ZNF385B: variants seen among roughly 807,000 people sequenced by gnomAD.
The protein encoded by ZNF385B is zinc finger protein 385B.
In ZNF385B, 23 loss-of-function variants were observed where a neutral mutation model predicts 39.2. The ratio of observed to expected loss-of-function variants is 0.59; its 90% CI spans 0.42 to 0.83. The LOEUF (loss-of-function observed/expected upper bound fraction) is 0.83, where lower values mean the gene tolerates loss of function less well. Among genes scored for constraint, ZNF385B ranks in the 40% least tolerant of loss-of-function variants. The pLI is 0.00. For missense variants in ZNF385B, 552 were observed against 598.9 expected, an observed-to-expected ratio of 0.92 and a Z score of 0.82; for synonymous variants, 205 against 222.6, an observed-to-expected ratio of 0.92 and a Z score of 0.70.
chr2:179,595,764 G>A (rs1010647380), intron 3 of ZNF385B, among the ~76,000 whole-genome samples: 7 of 149,952 alleles, frequency 4.7e-5, no homozygotes, highest in Non-Finnish European at 1.5e-5. Context: ...CCCCCAAGTA[G>A]CTGGAACCAC....
chr2:179,844,167 A>G (rs1324745206), intron 1 of ZNF385B, among the ~76,000 whole-genome samples: 2 of 152,230 alleles, frequency 1.3e-5, no homozygotes, highest in Admixed American at 1.3e-4. Context: ...AAAAACGGAC[A>G]TCGATTGAAA....
intron 6 of ZNF385B, among the ~76,000 whole-genome samples, chr2:179,460,832 C>T (rs866866706): frequency 6.6e-6 from 1 of 152,138 alleles, no homozygotes; most frequent in African/African-American, 2.4e-5. Flanking sequence ...ATGAAACTAT[C>T]CTTGAAAAAC....
intron 1 of ZNF385B, among the ~76,000 whole-genome samples, chr2:179,847,960 C>A (rs959044535): frequency 1.1e-4 from 17 of 152,144 alleles, no homozygotes; most frequent in African/African-American, 4.1e-4. Flanking sequence ...TGATCATGCA[C>A]AGCTTGGACA....
intron 3 of ZNF385B, among the ~76,000 whole-genome samples, chr2:179,617,281 G>A (rs547625617): frequency 1.3e-5 from 2 of 152,286 alleles, no homozygotes; most frequent in South Asian, 4.1e-4. Flanking sequence ...GACTGATGCT[G>A]CACCTGATGC....
chr2:179,523,719 T>C (rs1257010734), intron 4 of ZNF385B, among the ~76,000 whole-genome samples: 1 of 152,208 alleles, frequency 6.6e-6, no homozygotes, highest in African/African-American at 2.4e-5. Context: ...CAGGTAACAC[T>C]GGGATGGGAA....
At chr2:179,721,346 A>G (rs1700688425) in intron 3 of ZNF385B, among the ~76,000 whole-genome samples, 2 of 152,218 alleles carry the variant, frequency 1.3e-5, no homozygotes, top group African/African-American at 4.8e-5. Context: ...AAGTAGAACT[A>G]GAAAACCCAA....
chr2:179,668,537 A>C (rs1240903946), intron 3 of ZNF385B, among the ~76,000 whole-genome samples: 3 of 124,752 alleles, frequency 2.4e-5, no homozygotes, highest in Non-Finnish European at 5.1e-5. Flanking sequence ...CATTTTCTCT[A>C]TTTTTGTTTG....
At chr2:179,511,639 G>A (rs921920783) in intron 5 of ZNF385B, among the ~76,000 whole-genome samples, 4 of 152,168 alleles carry the variant, frequency 2.6e-5, no homozygotes, top group African/African-American at 7.2e-5. Flanking sequence ...ATAGTAAAGA[G>A]TAGCACAGTC....
chr2:179,576,362 T>C (rs1397198498), intron 3 of ZNF385B: 2 of 178,092 alleles, frequency 1.1e-5, no homozygotes, highest in Non-Finnish European at 2.2e-5. Flanking sequence ...TTAGGGCCTA[T>C]GAGCCACATC....
chr2:179,728,758 C>T (rs1398872431), intron 3 of ZNF385B, among the ~76,000 whole-genome samples: 1 of 151,980 alleles, frequency 6.6e-6, no homozygotes, highest in Non-Finnish European at 1.5e-5. Flanking sequence ...AAGAAAACAA[C>T]ACTGAAGAAC....
intron 3 of ZNF385B, among the ~76,000 whole-genome samples, chr2:179,609,248 C>A (rs1689089742): frequency 6.6e-6 from 1 of 152,094 alleles, no homozygotes; most frequent in Non-Finnish European, 1.5e-5. Context: ...CTGGTGACCA[C>A]TCATCATTCT....
At chr2:179,563,431 A>T (rs1450677063) in intron 3 of ZNF385B, among the ~76,000 whole-genome samples, 1 of 152,190 alleles carries the variant, frequency 6.6e-6, no homozygotes, top group African/African-American at 2.4e-5. Context: ...AGGATTTTGC[A>T]CCTTTGGTTG....
chr2:179,555,836 A>T (rs767247796), intron 3 of ZNF385B, among the ~76,000 whole-genome samples: 5 of 149,220 alleles, frequency 3.4e-5, no homozygotes, highest in Non-Finnish European at 7.4e-5. Flanking sequence ...TACGTGCCTG[A>T]ATTTCCCTTA....
At chr2:179,853,098 T>C (rs554465623) in intron 1 of ZNF385B, among the ~76,000 whole-genome samples, 4 of 152,360 alleles carry the variant, frequency 2.6e-5, no homozygotes, top group African/African-American at 7.2e-5. Context: ...TTGCCAATTA[T>C]ATCTTTCTCT....
intron 3 of ZNF385B, among the ~76,000 whole-genome samples, chr2:179,625,290 T>A (rs1463613293): frequency 6.6e-6 from 1 of 152,112 alleles, no homozygotes; most frequent in Non-Finnish European, 1.5e-5. Flanking sequence ...TACTGGGAAG[T>A]TCAGATGCAA....
rs1205663338 is a variant in ZNF385B, at chr2:179,518,540, G to A, written c.540C>T (p.Arg180=). Residue 180 remains arginine (R), a synonymous_variant, in exon 5 of 10, where the codon CGC becomes CGT. Transcript: ENST00000410066. ...QVISCNVCQL[R]FNSDSQAEAH... ...AGGTGATACTCACATCTGAGTTAAAGCGAAGCTGACAGACATTACAAGAAA... is the reference window on the plus strand; with the variant it reads ...AGGTGATACTCACATCTGAGTTAAAACGAAGCTGACAGACATTACAAGAAA... 1 of 1,602,530 alleles carries A rather than the reference G, an allele frequency of 6.2e-7. No homozygotes were observed.
chr2:179,670,842 C>G (rs1695889515), intron 3 of ZNF385B, among the ~76,000 whole-genome samples: 1 of 152,174 alleles, frequency 6.6e-6, no homozygotes, highest in South Asian at 2.1e-4. Context: ...GCAAATCCAG[C>G]CTTCATTGTG....
intron 3 of ZNF385B, among the ~76,000 whole-genome samples, chr2:179,636,165 C>T (rs1255510383): frequency 1.3e-5 from 2 of 152,280 alleles, no homozygotes; most frequent in East Asian, 1.9e-4. Context: ...AAATTTTCCA[C>T]AGAATAGCTT....
chr2:179,531,582 C>G (rs1328918190), intron 4 of ZNF385B, among the ~76,000 whole-genome samples: 1 of 152,010 alleles, frequency 6.6e-6, no homozygotes, highest in South Asian at 2.1e-4. Context: ...GTGCAGTGAG[C>G]CGAGATCATG....
Sources: allele counts gnomAD v4.1 joint callset (sites outside exome capture counted in the v4.1 genomes callset), GRCh38; gene constraint gnomAD v4.1.1; transcripts MANE v1.5; gene names NCBI Gene and HGNC (gene_info 2026-07-23, HGNC 2026-07-21).